TFDP2: variants seen among roughly 807,000 people sequenced by gnomAD.
TFDP2 encodes transcription factor Dp-2 (E2F dimerization partner 2).
In TFDP2, 17 loss-of-function variants were observed where a neutral mutation model predicts 59.3. The ratio of observed to expected loss-of-function variants is 0.29; its 90% CI spans 0.20 to 0.43. The LOEUF is 0.43. TFDP2 is among the 20% of genes least tolerant of loss of function. The pLI is 1.00. For missense variants in TFDP2, 391 were observed against 528.8 expected (o/e 0.74, Z 2.56); for synonymous variants, 180 against 194.7 (o/e 0.92, Z 0.63).
intron 1 of TFDP2, among the ~76,000 whole-genome samples, chr3:142,118,762 A>G (rs2061933436): frequency 6.6e-6 from 1 of 152,188 alleles, no homozygotes. Flanking sequence ...TAAAAAAAAC[A>G]GAGAGAAATT....
intron 1 of TFDP2, among the ~76,000 whole-genome samples, chr3:142,134,144 ATAG>A (rs1230422859): frequency 2.6e-5 from 4 of 151,956 alleles, no homozygotes; most frequent in Admixed American, 2.6e-4. Context: ...TGAAAAAAAT[ATAG>A]AAGAAGGAGT....
intron 4 of TFDP2, among the ~76,000 whole-genome samples, chr3:142,002,449 G>A (rs75880078): frequency 0.046 from 6,993 of 150,576 alleles, 173 homozygotes; most frequent in South Asian, 0.07. Flanking sequence ...ATGAGCCACT[G>A]GGCCCAGCCT....
rs974200930 is a variant in TFDP2 at position 141,944,615 on chromosome 3, C to T, written c.*7898G>A. On this transcript the variant is annotated 3_prime_UTR_variant, in exon 13 of 13. Transcript: ENST00000489671. The stretch of plus-strand genomic sequence containing the variant: ...AGAGTTCATTACAAATACAGCTTCC[C>T]AGGCCCCACCTCCAGCACTTCTGAC... 6.6e-6 allele frequency: 1 copy of T among 152,108 alleles called. No individual in the cohort carries two copies. Among genetic ancestry groups the T allele is most frequent in the Non-Finnish European group, 1.5e-5 (1 of 68,014 alleles). 9.4% of individuals were successfully genotyped at this position (152,108 alleles called of 1,614,324 possible).
intron 3 of TFDP2, among the ~76,000 whole-genome samples, chr3:142,033,065 G>A (rs1216299813): frequency 6.6e-6 from 1 of 152,026 alleles, no homozygotes; most frequent in Non-Finnish European, 1.5e-5. Context: ...CATGGTGGCA[G>A]GCCCCTGTAA....
intron 3 of TFDP2, among the ~76,000 whole-genome samples, chr3:142,073,910 TA>T (rs771664831): frequency 6.4e-4 from 97 of 152,176 alleles, no homozygotes; most frequent in Admixed American, 2.9e-3. Context: ...ATCAAAATGT[TA>T]AGTGTCTTTT....
intron 3 of TFDP2, among the ~76,000 whole-genome samples, chr3:142,077,746 A>G (rs900915478): frequency 1.3e-5 from 2 of 152,134 alleles, no homozygotes; most frequent in Non-Finnish European, 2.9e-5. Flanking sequence ...ATGACCCAGA[A>G]CATTCCAAGC....
At chr3:142,039,986 G>A (rs1946880491) in intron 3 of TFDP2, among the ~76,000 whole-genome samples, 1 of 152,154 alleles carries the variant, frequency 6.6e-6, no homozygotes, top group Non-Finnish European at 1.5e-5. Context: ...CAATGTCACA[G>A]GCAATTGGCC....
intron 3 of TFDP2, among the ~76,000 whole-genome samples, chr3:142,055,300 A>T (rs1214034115): frequency 6.6e-6 from 1 of 152,018 alleles, no homozygotes; most frequent in African/African-American, 2.4e-5. Context: ...ATGTACTTGG[A>T]TGAGAATCTA....
chr3:142,018,282 A>G (rs1176472143), intron 3 of TFDP2, among the ~76,000 whole-genome samples: 1 of 152,008 alleles, frequency 6.6e-6, no homozygotes, highest in Non-Finnish European at 1.5e-5. Flanking sequence ...ATTCCCTTTT[A>G]TGGCTCCAGC....
intron 3 of TFDP2, among the ~76,000 whole-genome samples, chr3:142,068,806 G>A (rs751013461): frequency 1.2e-4 from 18 of 151,860 alleles, no homozygotes; most frequent in Admixed American, 2.6e-4. Flanking sequence ...GGATCTGCCC[G>A]CCTCAGCCTA....
chr3:142,117,069 G>A (rs1180892913), intron 1 of TFDP2, among the ~76,000 whole-genome samples: 1 of 152,000 alleles, frequency 6.6e-6, no homozygotes, highest in Admixed American at 6.6e-5. Context: ...TTACAGGTGT[G>A]CACCACCACC....
intron 3 of TFDP2, among the ~76,000 whole-genome samples, chr3:142,019,325 A>G (rs1392822701): frequency 6.6e-6 from 1 of 152,106 alleles, no homozygotes. Flanking sequence ...CAGCCTCCCA[A>G]AGTGCTGGGA....
intron 3 of TFDP2, among the ~76,000 whole-genome samples, chr3:142,050,532 A>G (rs1395043393): frequency 6.6e-6 from 1 of 151,508 alleles, no homozygotes; most frequent in Admixed American, 6.6e-5. Flanking sequence ...TGTCTCTACT[A>G]AAAACACAAA....
intron 3 of TFDP2, among the ~76,000 whole-genome samples, chr3:142,088,456 G>A (rs759404367): frequency 2.0e-5 from 3 of 151,194 alleles, no homozygotes; most frequent in Non-Finnish European, 2.9e-5. Context: ...TCTGCCACCC[G>A]AGTAGCTGGG....
At chr3:142,062,367 A>T (rs1032740088) in intron 3 of TFDP2, among the ~76,000 whole-genome samples, 10 of 136,816 alleles carry the variant, frequency 7.3e-5, no homozygotes, top group Non-Finnish European at 1.5e-4. Flanking sequence ...GGTCAGCTGT[A>T]TATATACACA....
At chr3:141,977,733 C>T (rs926952568) in intron 7 of TFDP2, among the ~76,000 whole-genome samples, 8 of 151,370 alleles carry the variant, frequency 5.3e-5, no homozygotes, top group South Asian at 4.2e-4. Context: ...CTTTTTGAGA[C>T]GGAGTCTCAC....
At chr3:141,978,308 G>A (rs1025022329) in intron 7 of TFDP2, among the ~76,000 whole-genome samples, 1 of 151,238 alleles carries the variant, frequency 6.6e-6, no homozygotes, top group African/African-American at 2.4e-5. Flanking sequence ...TCGCGCCACT[G>A]AACTCCAGCC....
At chr3:142,080,195 A>C (rs56200713) in intron 3 of TFDP2, among the ~76,000 whole-genome samples, 12,965 of 151,922 alleles carry the variant, frequency 0.085, 697 homozygotes, top group Middle Eastern at 0.14. Context: ...GAACTCTTGA[A>C]CTCAAGTGAT....
At chr3:141,962,714 A>G (rs980414297) in intron 10 of TFDP2, among the ~76,000 whole-genome samples, 22 of 152,166 alleles carry the variant, frequency 1.4e-4, no homozygotes, top group Non-Finnish European at 2.4e-4. Flanking sequence ...ATCTCTGGAC[A>G]CAACAGAGAC....
Sources: allele counts gnomAD v4.1 joint callset (sites outside exome capture counted in the v4.1 genomes callset), GRCh38; gene constraint gnomAD v4.1.1; transcripts MANE v1.5; gene names NCBI Gene and HGNC (gene_info 2026-07-23, HGNC 2026-07-21).